The following SLC16A12 variants were observed in gnomAD, a reference collection of about 807,000 sequenced individuals.
SLC16A12 encodes the protein solute carrier family 16 member 12, also known as monocarboxylate transporter 12.
A neutral mutation model predicts 42.4 loss-of-function variants in SLC16A12; 17 were observed. The ratio of observed to expected loss-of-function variants is 0.40; its 90% CI spans 0.27 to 0.60. The LOEUF is 0.60. SLC16A12 is among the 20% of genes least tolerant of loss of function. SLC16A12 has a pLI of 0.42. For missense variants in SLC16A12, 544 were observed against 623.0 expected, an observed-to-expected ratio of 0.87 and a Z score of 1.35; for synonymous variants, 224 against 229.4, an observed-to-expected ratio of 0.98 and a Z score of 0.21.
In SLC16A12 at chr10:89,464,958, T is replaced by C. The variant is rs538122506; in HGVS notation, c.-46-2334A>G. On this transcript the variant is annotated intron_variant, in intron 2 of 7. Transcript: ENST00000371790. ...AAGTATTGGGAGACCAATACTGGCA[T>C]AAATACTAAACCTATTGATAAAGAA... is the stretch of plus-strand genomic sequence containing the variant. Among the ~76,000 whole-genome samples, 22 of 152,284 alleles carry C rather than the reference T, an allele frequency of 1.4e-4. 1 individual carries two copies. The South Asian group carries it at 3.9e-3, about 27-fold the overall frequency.
rs547490474 is a variant in SLC16A12, at chr10:89,500,306, C to G, written c.-47+34195G>C. ...ATCATTCTATGAAGCCAGTATCACC[C>G]TAATACTAAAACCAGGAAAGGACAT... is the stretch of plus-strand genomic sequence containing the variant. On this transcript the variant is annotated intron_variant, in intron 2 of 7. Transcript: ENST00000371790. Among the ~76,000 whole-genome samples the G allele has an allele frequency of 1.2e-4, 19 of 152,230 alleles. 1 individual carries two copies. In the South Asian group the frequency reaches 3.9e-3, roughly 32 times the overall value.
chr10:89,470,534 C>T (rs931340291), intron 2 of SLC16A12, among the ~76,000 whole-genome samples: 30 of 152,154 alleles, frequency 2.0e-4, no homozygotes, highest in Non-Finnish European at 3.7e-4. Flanking sequence ...GGGGGGATTC[C>T]CCCATGTTCT....
At chr10:89,532,237 G>A (rs534387994) in intron 2 of SLC16A12, among the ~76,000 whole-genome samples, 2 of 152,166 alleles carry the variant, frequency 1.3e-5, no homozygotes, top group East Asian at 1.9e-4. Context: ...TCGTCAATGC[G>A]CGGTAAATGA....
chr10:89,551,510 T>G (rs1266090810), intron 2 of SLC16A12, among the ~76,000 whole-genome samples: 1 of 152,166 alleles, frequency 6.6e-6, no homozygotes, highest in African/African-American at 2.4e-5. Flanking sequence ...TGGAGCACAT[T>G]GTTGTTGGGA....
intron 2 of SLC16A12, among the ~76,000 whole-genome samples, chr10:89,493,879 G>A (rs145368915): frequency 1.3e-5 from 2 of 152,100 alleles, no homozygotes; most frequent in African/African-American, 4.8e-5. Context: ...TCCTACCAAG[G>A]TAATTTTGTC....
At chr10:89,486,628 AAAGAAAG>A in intron 2 of SLC16A12, among the ~76,000 whole-genome samples, 2 of 129,580 alleles carry the variant, frequency 1.5e-5, no homozygotes, top group Non-Finnish European at 3.2e-5. Context: ...AGAAAGAAAG[AAAGAAAG>A]AAAGAAAGAA....
At chr10:89,528,446 C>A (rs1046231853) in intron 2 of SLC16A12, among the ~76,000 whole-genome samples, 2 of 152,038 alleles carry the variant, frequency 1.3e-5, no homozygotes, top group Admixed American at 1.3e-4. Flanking sequence ...TTAATTAATT[C>A]ATTGGTTGAC....
intron 2 of SLC16A12, among the ~76,000 whole-genome samples, chr10:89,479,416 T>C (rs1267424007): frequency 6.6e-6 from 1 of 152,174 alleles, no homozygotes; most frequent in East Asian, 1.9e-4. Flanking sequence ...AGGCCTGTGG[T>C]TGTTTAAGAG....
chr10:89,448,754 C>T (rs183897948), intron 3 of SLC16A12, among the ~76,000 whole-genome samples: 5 of 152,218 alleles, frequency 3.3e-5, no homozygotes, highest in African/African-American at 1.2e-4. Flanking sequence ...ACGTTCTGGC[C>T]AGGGCAATCA....
At chr10:89,539,090 T>C (rs1843696890), upstream of SLC16A12, among the ~76,000 whole-genome samples, 1 of 152,224 alleles carries the variant, frequency 6.6e-6, no homozygotes, top group African/African-American at 2.4e-5. Context: ...GTATTCATAG[T>C]GGAGCCCCAT....
intron 2 of SLC16A12, among the ~76,000 whole-genome samples, chr10:89,478,771 T>C (rs1842618901): frequency 1.3e-5 from 2 of 152,214 alleles, no homozygotes; most frequent in South Asian, 4.1e-4. Flanking sequence ...CAAACTCTCA[T>C]GTCCAAAAAC....
chr10:89,469,465 T>C (rs1842459514), intron 2 of SLC16A12, among the ~76,000 whole-genome samples: 1 of 152,258 alleles, frequency 6.6e-6, no homozygotes, highest in Admixed American at 6.5e-5. Context: ...TTTCTGAAGA[T>C]ATTTCTTTTA....
At chr10:89,486,181 G>T (rs1297681326) in intron 2 of SLC16A12, among the ~76,000 whole-genome samples, 3 of 152,134 alleles carry the variant, frequency 2.0e-5, no homozygotes, top group Middle Eastern at 3.4e-3. Context: ...TGTCTTGCAG[G>T]GTTGGAAGGC....
intron 2 of SLC16A12, among the ~76,000 whole-genome samples, chr10:89,514,361 C>A (rs1469866376): frequency 1.3e-5 from 2 of 152,220 alleles, no homozygotes; most frequent in Non-Finnish European, 2.9e-5. Context: ...CTGTGTATGT[C>A]TTAGCTCAGG....
At position 89,459,604 on chromosome 10, in the gene SLC16A12, AC is replaced by A. The variant is rs1353751417; in HGVS notation, c.200+2774del. Among the ~76,000 whole-genome samples, 552 of 152,146 alleles carry A rather than the reference AC, an allele frequency of 3.6e-3. 6 individuals carry two copies. Among genetic ancestry groups the A allele is most frequent in the African/African-American group, 0.013 (523 of 41,518 alleles). On this transcript the variant is annotated intron_variant, in intron 3 of 7. Coordinates refer to ENST00000371790, the MANE Select transcript of SLC16A12 (RefSeq NM_213606.4). ...TGCACAGTGACAAACAAACAAACAA[AC>A]AAACAAACTAGAATTCTAGTCCAGC...
intron 2 of SLC16A12, among the ~76,000 whole-genome samples, chr10:89,467,629 T>C (rs1251518354): frequency 6.6e-6 from 1 of 152,198 alleles, no homozygotes; most frequent in East Asian, 1.9e-4. Context: ...AGGGAAGCTA[T>C]GTAAAGCTTA....
chr10:89,547,858 T>C (rs1407962700), intron 2 of SLC16A12, among the ~76,000 whole-genome samples: 1 of 150,638 alleles, frequency 6.6e-6, no homozygotes, highest in African/African-American at 2.4e-5. Flanking sequence ...CATGGTGGCA[T>C]GTGCCTGTAA....
At chr10:89,541,139 G>A (rs986661343) in intron 2 of SLC16A12, among the ~76,000 whole-genome samples, 2 of 151,466 alleles carry the variant, frequency 1.3e-5, no homozygotes, top group African/African-American at 4.9e-5. Context: ...TGTTAGCCAG[G>A]ATGGTCTCGA....
At chr10:89,508,779 A>G (rs1049709172) in intron 2 of SLC16A12, among the ~76,000 whole-genome samples, 4 of 152,216 alleles carry the variant, frequency 2.6e-5, no homozygotes, top group Non-Finnish European at 4.4e-5. Flanking sequence ...AAAAAAATCA[A>G]TGAATGCAGG....
Sources: gnomAD v4.1 joint callset for allele counts (sites outside exome capture counted in the v4.1 genomes callset) on GRCh38, gnomAD v4.1.1 for gene constraint, MANE v1.5 for transcripts, NCBI Gene and HGNC (gene_info 2026-07-23, HGNC 2026-07-21) for gene names.